NAV2: variants seen among roughly 807,000 people sequenced by gnomAD.
The protein encoded by NAV2 is neuron navigator 2.
A neutral mutation model predicts 223.2 loss-of-function variants in NAV2; 54 were observed. The ratio of observed to expected loss-of-function variants is 0.24; its 90% confidence interval spans 0.19 to 0.30. NAV2 has a LOEUF of 0.30. Ranked by LOEUF, NAV2 falls within the 10% of genes least tolerant of loss-of-function variation. The pLI, the probability that NAV2 is intolerant of heterozygous loss-of-function variation, is 1.00. For synonymous variants in NAV2, 1,279 were observed against 1,239.3 expected (o/e 1.03, Z -0.67); for missense variants, 2,806 against 3,147.5 (o/e 0.89, Z 2.60).
chr11:19,743,136 G>C (rs1436329614), intron 1 of NAV2, among the ~76,000 whole-genome samples: 2 of 152,160 alleles, frequency 1.3e-5, no homozygotes, highest in Non-Finnish European at 2.9e-5. Context: ...CAACCTATGT[G>C]AACTTGTTTC....
At chr11:19,819,705 G>T (rs1202154556) in intron 1 of NAV2, among the ~76,000 whole-genome samples, 1 of 152,234 alleles carries the variant, frequency 6.6e-6, no homozygotes, top group Non-Finnish European at 1.5e-5. Context: ...CCACCTATGT[G>T]CTAAGCACTT....
At chr11:19,622,139 G>A (rs939724814) in intron 1 of NAV2, among the ~76,000 whole-genome samples, 3 of 152,178 alleles carry the variant, frequency 2.0e-5, no homozygotes, top group African/African-American at 2.4e-5. Context: ...TATAATTTCT[G>A]TTCTTTTACA....
At chr11:19,585,125 A>C (rs987194321) in intron 1 of NAV2, among the ~76,000 whole-genome samples, 2 of 152,154 alleles carry the variant, frequency 1.3e-5, no homozygotes, top group African/African-American at 4.8e-5. Context: ...TCCCTTTACC[A>C]TTATGTAATG....
chr11:19,489,025 C>T (rs1026986655), intron 1 of NAV2, among the ~76,000 whole-genome samples: 5 of 152,200 alleles, frequency 3.3e-5, no homozygotes, highest in African/African-American at 1.2e-4. Context: ...CAGGAGTCTA[C>T]CATTCAGTCA....
chr11:19,424,084 T>C (rs1323046337), intron 1 of NAV2, among the ~76,000 whole-genome samples: 1 of 152,082 alleles, frequency 6.6e-6, no homozygotes, highest in East Asian at 1.9e-4. Flanking sequence ...CTTAGAATTT[T>C]AGCTATTCTT....
At chr11:19,464,188 G>A (rs539627725) in intron 1 of NAV2, among the ~76,000 whole-genome samples, 3 of 152,134 alleles carry the variant, frequency 2.0e-5, no homozygotes, top group Admixed American at 6.5e-5. Context: ...GCTGACTGCA[G>A]GCTACACTCT....
chr11:20,118,186 C>A lies in NAV2; in HGVS notation c.7218C>A (p.Ser2406Arg). ...CAGCCAACTACTCCAGCCCCCAGAG[C>A]TATGACAGCGACTCCAACAGCAACA... ...QEAANYSSPQSYDSDSNSNSH... is the reference protein window; with the variant it reads ...QEAANYSSPQRYDSDSNSNSH... Residue 2406 changes from serine (S) to arginine (R), a missense_variant, in exon 38 of 38, where the codon AGC (serine) becomes AGA (arginine). Transcript: ENST00000349880. The A allele has an allele frequency of 6.2e-7, 1 of 1,614,040 alleles. No homozygotes were observed. Among genetic ancestry groups the A allele is most frequent in the Non-Finnish European group, 8.5e-7 (1 of 1,179,920 alleles).
At position 19,713,710 on chromosome 11, in the gene NAV2, G is replaced by A. The variant is rs761097585; in HGVS notation, c.15G>A (p.Leu5=). Residue 5 remains leucine, a synonymous_variant, in exon 1 of 38, where the codon CTG becomes CTA. Coordinates refer to ENST00000349880, the MANE Select transcript of NAV2 (RefSeq NM_145117.5). The surrounding 1 kb of genome is among the most constrained non-coding windows in gnomAD (Gnocchi z 7.2). ...CCCGGGAGAAGATGCCGGCCATCCT[G>A]GTCGCCTCCAAAATGAAGTCGGGAC... MPAI[L]VASKMKSGLP... 6.4e-7 allele frequency: 1 copy of A among 1,574,272 alleles called. No individual in the cohort carries two copies. Among genetic ancestry groups the A allele is most frequent in the Admixed American group, 1.8e-5 (1 of 56,100 alleles).
At chr11:19,912,401 G>A (rs2043388204) in intron 6 of NAV2, among the ~76,000 whole-genome samples, 1 of 152,122 alleles carries the variant, frequency 6.6e-6, no homozygotes, top group African/African-American at 2.4e-5. Context: ...TGTCTGTGCT[G>A]CTGATTACGA....
chr11:19,920,133 C>CA (rs2044156853), intron 6 of NAV2, among the ~76,000 whole-genome samples: 1 of 152,096 alleles, frequency 6.6e-6, no homozygotes, highest in South Asian at 2.1e-4. Flanking sequence ...GACCCTGTCT[C>CA]AAAAAATAAG....
At chr11:19,612,231 T>A (rs1483798772) in intron 1 of NAV2, among the ~76,000 whole-genome samples, 1 of 152,144 alleles carries the variant, frequency 6.6e-6, no homozygotes, top group East Asian at 1.9e-4. Context: ...ATGAGAGCAT[T>A]TTTTCCTCCT....
At chr11:19,476,602 A>G (rs534378736) in intron 1 of NAV2, among the ~76,000 whole-genome samples, 31 of 152,306 alleles carry the variant, frequency 2.0e-4, no homozygotes, top group African/African-American at 7.5e-4. Flanking sequence ...GAGTAACATT[A>G]GCTCTGTGGA....
At chr11:19,470,064 G>A (rs1340248680) in intron 1 of NAV2, among the ~76,000 whole-genome samples, 1 of 152,240 alleles carries the variant, frequency 6.6e-6, no homozygotes, top group East Asian at 1.9e-4. Context: ...GCTCCACTGG[G>A]GCTGAGGTAG....
chr11:20,083,090 G>A lies in NAV2; in HGVS notation c.5409G>A (p.Thr1803=), dbSNP rs190795673. 4.4e-5 allele frequency: 71 copies of A among 1,614,096 alleles called. No homozygotes were observed. The East Asian group carries it at 8.5e-4, about 19-fold the overall frequency. The stretch of plus-strand genomic sequence containing the variant: ...CTCATTCAGATATTGAGGAGATGAC[G>A]GATTCTTCTTTGCCTTCCTCACCAA... The part of the protein sequence containing the change: ...ASSHSDIEEM[T]DSSLPSSPKL... Residue 1803 remains threonine, a synonymous_variant, in exon 26 of 38, where the codon ACG becomes ACA. Coordinates refer to ENST00000349880, the MANE Select transcript of NAV2 (RefSeq NM_145117.5).
intron 1 of NAV2, chr11:19,503,527 G>A (rs1446318101): frequency 6.6e-6 from 1 of 152,142 alleles, no homozygotes; most frequent in African/African-American, 2.4e-5. Context: ...CTTCTCCAGA[G>A]CGTCATGTGG....
At chr11:19,374,569 A>G (rs1848579983) in intron 1 of NAV2, among the ~76,000 whole-genome samples, 2 of 152,234 alleles carry the variant, frequency 1.3e-5, no homozygotes, top group African/African-American at 2.4e-5. Context: ...ATGCAAGTAT[A>G]TTTTACATAT....
chr11:19,607,856 G>A (rs2046523995), intron 1 of NAV2, among the ~76,000 whole-genome samples: 1 of 152,184 alleles, frequency 6.6e-6, no homozygotes, highest in African/African-American at 2.4e-5. Context: ...CTTCAAACAA[G>A]ATAACTGACC....
intron 19 of NAV2, 115 bp from the exon 20 acceptor site, chr11:20,062,192 G>A: frequency 1.5e-6 from 1 of 651,700 alleles, no homozygotes; most frequent in Non-Finnish European, 2.6e-6. Flanking sequence ...GTCAAGGTGA[G>A]ATTAAGTCAT....
chr11:19,822,586 AT>A (rs2059437979), intron 1 of NAV2, among the ~76,000 whole-genome samples: 1 of 152,160 alleles, frequency 6.6e-6, no homozygotes, highest in Non-Finnish European at 1.5e-5. Context: ...CTGTGTGAGT[AT>A]CCCTTTGAAA....
Sources: allele counts gnomAD v4.1 joint callset (sites outside exome capture counted in the v4.1 genomes callset), GRCh38; gene constraint gnomAD v4.1.1; non-coding constraint Gnocchi (gnomAD v3.1); transcripts MANE v1.5; gene names NCBI Gene and HGNC (gene_info 2026-07-23, HGNC 2026-07-21).